The following REXO1 variants were observed in gnomAD, a reference collection of about 807,000 sequenced individuals.
REXO1 encodes RNA exonuclease 1 homolog, also known as REX1, RNA exonuclease 1 homolog.
REXO1 carries 42 observed loss-of-function variants against 102.6 expected under a neutral mutation model. The ratio of observed to expected loss-of-function variants is 0.41; its 90% CI spans 0.32 to 0.53. REXO1 has a LOEUF of 0.53. Ranked by LOEUF, REXO1 falls within the 20% of genes least tolerant of loss-of-function variation. The pLI, the probability that REXO1 is intolerant of heterozygous loss-of-function variation, is 0.27. For missense variants in REXO1, 1,819 were observed against 1,732.5 expected (o/e 1.05, Z -0.89); for synonymous variants, 908 against 779.1 (o/e 1.17, Z -2.76).
At chr19:1,829,637 C>T (rs1256844579) in intron 1 of REXO1, among the ~76,000 whole-genome samples, 2 of 151,904 alleles carry the variant, frequency 1.3e-5, no homozygotes, top group African/African-American at 2.4e-5. Flanking sequence ...GGAGAAACCC[C>T]GTCTCTACTA....
intron 7 of REXO1, 28 bp downstream of exon 7, chr19:1,819,906 C>A: frequency 6.5e-7 from 1 of 1,537,116 alleles, no homozygotes; most frequent in Non-Finnish European, 8.7e-7. Flanking sequence ...CAACCCTGAG[C>A]CTCCCCCGCC....
intron 1 of REXO1, among the ~76,000 whole-genome samples, chr19:1,836,818 G>A (rs544292642): frequency 6.6e-6 from 1 of 151,834 alleles, no homozygotes; most frequent in East Asian, 1.9e-4. Flanking sequence ...TGGGCCCGCA[G>A]GGCTCTCAAC....
Position 1,816,337 on chromosome 19 carries a change from G to A in REXO1, c.3465C>T (p.His1155=). 6.3e-7 allele frequency: 1 copy of A among 1,591,298 alleles called. No individual in the cohort carries two copies. The part of the protein sequence containing the change: ...ESDLLALKVI[H]STVVDTSVLF... Reference sequence around the variant, plus strand: ...GCACAGACGTGTCCACCACGGTGCTGTGGATGACCTGTGGGCAGCGGCAGA... The same window carrying A: ...GCACAGACGTGTCCACCACGGTGCTATGGATGACCTGTGGGCAGCGGCAGA... Residue 1155 remains histidine, a synonymous_variant, in exon 15 of 16, where the codon CAC becomes CAT. Transcript: ENST00000170168.
At chr19:1,841,981 C>T (rs958069086) in intron 1 of REXO1, among the ~76,000 whole-genome samples, 1 of 152,052 alleles carries the variant, frequency 6.6e-6, no homozygotes, top group Non-Finnish European at 1.5e-5. Flanking sequence ...GAGGCTGAGG[C>T]GGGTGGATCA....
intron 1 of REXO1, among the ~76,000 whole-genome samples, chr19:1,833,739 G>A (rs1388573268): frequency 6.6e-6 from 1 of 152,242 alleles, no homozygotes; most frequent in Non-Finnish European, 1.5e-5. Context: ...CACCCGCCTG[G>A]TGAACAGGGC....
At chr19:1,820,095 C>T (rs751458300) in intron 6 of REXO1, 38 bp from the exon 7 acceptor site, 1 of 1,586,980 alleles carries the variant, frequency 6.3e-7, no homozygotes, top group Non-Finnish European at 8.5e-7. Flanking sequence ...GCCATGCCTG[C>T]CTGGTGCCGG....
chr19:1,832,320 TGAGA>T (rs1273579104), intron 1 of REXO1, among the ~76,000 whole-genome samples: 11 of 152,184 alleles, frequency 7.2e-5, no homozygotes, highest in Non-Finnish European at 1.5e-4. Context: ...AGCCCAGCGC[TGAGA>T]GAGAGTGTGC....
intron 1 of REXO1, among the ~76,000 whole-genome samples, chr19:1,832,011 AAT>A (rs1199136251): frequency 6.6e-6 from 1 of 151,936 alleles, no homozygotes; most frequent in East Asian, 1.9e-4. Flanking sequence ...TCACTCAGCC[AAT>A]AGACTGCAGG....
rs766356014 is a variant in REXO1 at position 1,818,885 on chromosome 19, C to T, written c.2765-42G>A. On this transcript the variant is annotated intron_variant, in intron 8 of 15. Transcript: ENST00000170168. The stretch of plus-strand genomic sequence containing the variant: ...TGGTCAGCCCCTGCCTGGGATGGCC[C>T]ACGGGGCGGTAGACACCACCGGGAA... 20 of 1,602,320 alleles carry T rather than the reference C, an allele frequency of 1.2e-5. No individual in the cohort carries two copies. In the Admixed American group the frequency reaches 3.2e-4, roughly 26 times the overall value.
intron 3 of REXO1, among the ~76,000 whole-genome samples, chr19:1,824,933 G>A (rs1010072844): frequency 2.0e-5 from 3 of 151,900 alleles, no homozygotes; most frequent in African/African-American, 4.8e-5. Flanking sequence ...TTACAGGTGC[G>A]TGCCACCGCG....
intron 1 of REXO1, among the ~76,000 whole-genome samples, chr19:1,843,253 AC>A (rs555975604): frequency 1.4e-5 from 2 of 142,252 alleles, no homozygotes; most frequent in Admixed American, 7.0e-5. Context: ...CAAAGCTTCA[AC>A]CCCCCGCCCG....
chr19:1,815,707 C>T lies in REXO1; in HGVS notation c.*359G>A, dbSNP rs935314420. ...AAACAAACCTGGGACAAGCCCGCCC[C>T]GCGACCCACGTGAGGAGCAGAGGTG... On this transcript the variant is annotated 3_prime_UTR_variant, in exon 16 of 16. Transcript: ENST00000170168. This position sits in a 1 kb window ranked among gnomAD's most constrained non-coding sequence, Gnocchi z 4.0. 7 of 1,363,426 alleles carry T rather than the reference C, an allele frequency of 5.1e-6. No homozygotes were observed. The highest frequency in any genetic ancestry group is 4.4e-5 in the African/African-American group (3 of 68,120). The allele number at this position is 1,363,426 out of a possible 1,614,324, so 84.5% of individuals were successfully genotyped here.
At chr19:1,819,516 G>A (rs2069470059) in intron 7 of REXO1, among the ~76,000 whole-genome samples, 1 of 152,200 alleles carries the variant, frequency 6.6e-6, no homozygotes. Flanking sequence ...GAGTGCTAAT[G>A]CAGGCGGGGA....
At position 1,826,371 on chromosome 19, in the gene REXO1, C is replaced by A. The variant is rs944800251; in HGVS notation, c.1912-428G>T. ...GCTGGCCCAGGAGAGCAAGAGCTCG[C>A]CACGCTGGGAGTAGGGAGGAGGGAG... On this transcript the variant is annotated intron_variant, in intron 2 of 15. Transcript: ENST00000170168. This position sits in a 1 kb window ranked among gnomAD's most constrained non-coding sequence, Gnocchi z 4.3. Among the ~76,000 whole-genome samples the A allele has an allele frequency of 6.6e-6, 1 of 150,922 alleles. No individual in the cohort carries two copies. The highest frequency in any genetic ancestry group is 2.5e-5 in the African/African-American group (1 of 40,544).
At position 1,815,739 on chromosome 19, in the gene REXO1, ACCACC is replaced by A; in HGVS notation, c.*322_*326del. ...CACGTGAGGAGCAGAGGTGCCGGCC[ACCACC>A]CGGGAGGGAGGGCCTGGCAGGAGGG... On this transcript the variant is annotated 3_prime_UTR_variant, in exon 16 of 16. Coordinates refer to ENST00000170168, the MANE Select transcript of REXO1 (RefSeq NM_020695.4). This position sits in a 1 kb window ranked among gnomAD's most constrained non-coding sequence, Gnocchi z 4.0. 3.6e-6 allele frequency: 5 copies of A among 1,402,790 alleles called. No individual in the cohort carries two copies. Among genetic ancestry groups the A allele is most frequent in the Non-Finnish European group, 4.6e-6 (5 of 1,075,492 alleles). 86.9% of individuals were successfully genotyped at this position (1,402,790 alleles called of 1,614,324 possible). A position where few individuals can be genotyped will look rare whatever the true frequency, so the allele number is the denominator to read the frequency against.
intron 1 of REXO1, among the ~76,000 whole-genome samples, chr19:1,846,903 G>A (rs1406005041): frequency 5.9e-5 from 9 of 152,244 alleles, no homozygotes; most frequent in South Asian, 2.1e-4. Context: ...TAAAAATAGG[G>A]TTAAAATGAG....
At chr19:1,824,131 G>A in intron 3 of REXO1, 1 of 226,982 alleles carries the variant, frequency 4.4e-6, no homozygotes, top group Non-Finnish European at 8.6e-6. Flanking sequence ...GGAGGCTCTG[G>A]GACTGGAGCA....
At chr19:1,819,324 A>AGGGCAGCC (rs1277074120) in intron 7 of REXO1, among the ~76,000 whole-genome samples, 193 bp from the exon 8 acceptor site, 1 of 151,866 alleles carries the variant, frequency 6.6e-6, no homozygotes, top group Non-Finnish European at 1.5e-5. Flanking sequence ...CCAGGGACGC[A>AGGGCAGCC]GGGCAGCCGC....
intron 1 of REXO1, among the ~76,000 whole-genome samples, chr19:1,830,249 C>T (rs1026926611): frequency 6.6e-5 from 10 of 152,312 alleles, no homozygotes; most frequent in East Asian, 3.9e-4. Context: ...TGGCTCACGC[C>T]GATCATCTCA....
Sources: allele counts gnomAD v4.1 joint callset (sites outside exome capture counted in the v4.1 genomes callset), GRCh38; gene constraint gnomAD v4.1.1; non-coding constraint Gnocchi (gnomAD v3.1); transcripts MANE v1.5; gene names NCBI Gene and HGNC (gene_info 2026-07-23, HGNC 2026-07-21).